OSBPL6: variants seen among roughly 807,000 people sequenced by gnomAD.
The protein encoded by OSBPL6 is oxysterol-binding protein-related protein 6.
OSBPL6 carries 49 observed loss-of-function variants against 125.8 expected under a neutral mutation model. The observed-to-expected ratio is 0.39, with a 90% confidence interval of 0.31 to 0.49. The LOEUF is 0.49. Among genes scored for constraint, OSBPL6 ranks in the 20% least tolerant of loss-of-function variants. The pLI, the probability that OSBPL6 is intolerant of heterozygous loss-of-function variation, is 0.88. For synonymous variants in OSBPL6, 394 were observed against 391.8 expected (o/e 1.01, Z -0.07); for missense variants, 986 against 1,135.4 (o/e 0.87, Z 1.89).
chr2:178,200,247 CTTTT>C (rs767677596), intron 1 of OSBPL6, among the ~76,000 whole-genome samples: 4 of 109,742 alleles, frequency 3.6e-5, no homozygotes, highest in Non-Finnish European at 7.3e-5. Context: ...TTCTTCAGAC[CTTTT>C]TTTTTTTTTT....
intron 2 of OSBPL6, among the ~76,000 whole-genome samples, chr2:178,286,990 T>A (rs1257459626): frequency 1.3e-5 from 2 of 152,172 alleles, no homozygotes; most frequent in African/African-American, 2.4e-5. Flanking sequence ...TTCTGTCAAT[T>A]TGATATTGAA....
chr2:178,394,501 T>A lies in OSBPL6; in HGVS notation c.2696+66T>A, dbSNP rs556732013. The A allele has an allele frequency of 4.1e-3, 6,191 of 1,513,496 alleles. 31 individuals are homozygous for A. Among genetic ancestry groups the A allele is most frequent in the Non-Finnish European group, 5.1e-3 (5,754 of 1,121,696 alleles). The allele number at this position is 1,513,496 out of a possible 1,614,324, so 93.8% of individuals were successfully genotyped here. On this transcript the variant is annotated intron_variant, in intron 24 of 24. Coordinates refer to ENST00000190611, the MANE Select transcript of OSBPL6 (RefSeq NM_032523.4). The stretch of plus-strand genomic sequence containing the variant: ...ATGGTTGCCACAGGCCATGAGAAAC[T>A]CCAGTTAAATGAAAATAAAATGGGT...
rs1474740174 is a variant in OSBPL6 at position 178,302,003 on chromosome 2, C to G, written c.-155-4027C>G. 2.0e-5 allele frequency among the ~76,000 whole-genome samples: 3 copies of G among 152,302 alleles called. No homozygotes were observed. The East Asian group carries it at 5.8e-4, about 29-fold the overall frequency. ...AAAGACATTTGGGGCTTGGTTGTGA[C>G]TCATTGCAACTTAGCCCAGGGCAAG... On this transcript the variant is annotated intron_variant, in intron 2 of 24. Coordinates refer to ENST00000190611, the MANE Select transcript of OSBPL6 (RefSeq NM_032523.4).
intron 1 of OSBPL6, among the ~76,000 whole-genome samples, chr2:178,273,588 A>C (rs1574707611): frequency 6.6e-6 from 1 of 152,208 alleles, no homozygotes; most frequent in South Asian, 2.1e-4. Flanking sequence ...TCAAAAAAAA[A>C]GTAAACAAGT....
rs1347964509 is a variant in OSBPL6, at chr2:178,398,930, A to AT, written c.*3376dup. ...AGAAGAGTTTATAATCATAAAGTAC[A>AT]TTTTTGTTATTACCTTGTGGATTTT... On this transcript the variant is annotated 3_prime_UTR_variant, in exon 25 of 25. Coordinates refer to ENST00000190611, the MANE Select transcript of OSBPL6 (RefSeq NM_032523.4). The AT allele has an allele frequency of 3.3e-5, 5 of 151,970 alleles. No individual in the cohort carries two copies. The highest frequency in any genetic ancestry group is 7.4e-5 in the Non-Finnish European group (5 of 68,006). The allele number at this position is 151,970 out of a possible 1,614,324, so 9.4% of individuals were successfully genotyped here. A position where few individuals can be genotyped will look rare whatever the true frequency, so the allele number is the denominator to read the frequency against.
chr2:178,303,145 A>G (rs1252614549), intron 2 of OSBPL6, among the ~76,000 whole-genome samples: 3 of 152,312 alleles, frequency 2.0e-5, no homozygotes, highest in Admixed American at 2.0e-4. Context: ...TGTCAAGTGG[A>G]GGTTTATTAC....
intron 1 of OSBPL6, among the ~76,000 whole-genome samples, chr2:178,195,122 G>T (rs1187985165): frequency 6.6e-6 from 1 of 152,206 alleles, no homozygotes; most frequent in African/African-American, 2.4e-5. Flanking sequence ...GAGCGCCCGC[G>T]CCCGCGAGAG....
At chr2:178,224,034 A>G (rs1264096610) in intron 1 of OSBPL6, among the ~76,000 whole-genome samples, 3 of 152,204 alleles carry the variant, frequency 2.0e-5, no homozygotes, top group Admixed American at 6.5e-5. Context: ...GGATAGCCCA[A>G]TTCCCAAGGG....
At chr2:178,335,672 T>C (rs1010015367) in intron 8 of OSBPL6, among the ~76,000 whole-genome samples, 2 of 152,196 alleles carry the variant, frequency 1.3e-5, no homozygotes, top group Non-Finnish European at 2.9e-5. Context: ...AGTTTCTTCT[T>C]TTTTCACTGT....
chr2:178,243,067 A>G (rs2091353154), intron 1 of OSBPL6, among the ~76,000 whole-genome samples: 1 of 152,166 alleles, frequency 6.6e-6, no homozygotes, highest in African/African-American at 2.4e-5. Flanking sequence ...AATGTATAAA[A>G]TCAATAACTC....
At chr2:178,297,566 C>T (rs1233385836) in intron 2 of OSBPL6, among the ~76,000 whole-genome samples, 1 of 152,220 alleles carries the variant, frequency 6.6e-6, no homozygotes, top group Non-Finnish European at 1.5e-5. Context: ...AGTAAACAAC[C>T]TGAATGGCTT....
chr2:178,309,734 GCT>G (rs978880812), intron 3 of OSBPL6, among the ~76,000 whole-genome samples: 1 of 152,160 alleles, frequency 6.6e-6, no homozygotes, highest in African/African-American at 2.4e-5. Flanking sequence ...AGCAAAACTG[GCT>G]CTTTGTGTGT....
At chr2:178,344,298 G>C in intron 11 of OSBPL6, 1 of 1,614,026 alleles carries the variant, frequency 6.2e-7, no homozygotes, top group Non-Finnish European at 8.5e-7. Flanking sequence ...AGGGCCACCC[G>C]CGAAGGGCCA....
At position 178,380,456 on chromosome 2, in the gene OSBPL6, CAAA is replaced by C. The variant is rs60399092; in HGVS notation, c.1534-1937_1534-1935del. On this transcript the variant is annotated intron_variant, in intron 15 of 24. Transcript: ENST00000190611. Reference sequence around the variant, plus strand: ...TGGGCAGCAGAGTAAGAGTCTGTCTCAAAAAAAAAAAAAAAAAAAAAAAAAAAA... The same window carrying C: ...TGGGCAGCAGAGTAAGAGTCTGTCTCAAAAAAAAAAAAAAAAAAAAAAAAA... 3.0e-3 allele frequency among the ~76,000 whole-genome samples: 79 copies of C among 25,946 alleles called. No individual in the cohort carries two copies. In the South Asian group the frequency reaches 0.039, roughly 13 times the overall value. 17.0% of individuals were successfully genotyped at this position (25,946 alleles called of 152,430 possible).
At position 178,339,744 on chromosome 2, in the gene OSBPL6, G is replaced by A. The variant is rs1487632826; in HGVS notation, c.967G>A (p.Asp323Asn). 1 of 1,603,614 alleles carries A rather than the reference G, an allele frequency of 6.2e-7. No homozygotes were observed. Among genetic ancestry groups the A allele is most frequent in the South Asian group, 1.1e-5 (1 of 89,068 alleles). The change falls in exon 11 of 25, where the codon GAT becomes AAT. Residue 323 changes from aspartate to asparagine, a missense_variant. This residue lies in a region of OSBPL6 where 843 missense variants were observed against 997.3 expected (regional missense o/e 0.85). Transcript: ENST00000190611. ...RRWRTKSVSK[D>N]TKIQLQVPFS... ...ATGGAGAACAAAAAGTGTCAGCAAA[G>A]ATACAAAAATACAACTGCAGGTACA...
intron 1 of OSBPL6, among the ~76,000 whole-genome samples, chr2:178,226,196 TC>T (rs2090554607): frequency 1.3e-5 from 2 of 152,142 alleles, no homozygotes; most frequent in African/African-American, 4.8e-5. Context: ...CATAGATACT[TC>T]GTTTCTTCTG....
intron 1 of OSBPL6, among the ~76,000 whole-genome samples, chr2:178,220,773 A>G (rs964300079): frequency 1.2e-4 from 19 of 152,248 alleles, no homozygotes; most frequent in African/African-American, 4.6e-4. Context: ...TGAGTTGTCT[A>G]TGCAGCCATA....
intron 12 of OSBPL6, among the ~76,000 whole-genome samples, chr2:178,357,110 C>T (rs570525798): frequency 9.2e-5 from 14 of 152,266 alleles, no homozygotes; most frequent in Admixed American, 3.9e-4. Flanking sequence ...AAGACTTAAA[C>T]GTTAGACCTA....
chr2:178,198,483 G>A (rs2089037212), intron 1 of OSBPL6, among the ~76,000 whole-genome samples: 1 of 151,748 alleles, frequency 6.6e-6, no homozygotes, highest in Non-Finnish European at 1.5e-5. Flanking sequence ...TTTTAGTAGA[G>A]AGGGGGTTTC....
Sources: gnomAD v4.1 joint callset for allele counts (sites outside exome capture counted in the v4.1 genomes callset) on GRCh38, gnomAD v4.1.1 for gene constraint, gnomAD v4.1.1 regional missense constraint, MANE v1.5 for transcripts, NCBI Gene and HGNC (gene_info 2026-07-23, HGNC 2026-07-21) for gene names.